Variants in NAALADL2 observed in about 807,000 individuals in gnomAD.
NAALADL2 encodes the protein inactive N-acetylated-alpha-linked acidic dipeptidase-like protein 2.
A neutral mutation model predicts 87.2 loss-of-function variants in NAALADL2; 76 were observed. The ratio of observed to expected loss-of-function variants is 0.87; its 90% confidence interval spans 0.72 to 1.05. The LOEUF (loss-of-function observed/expected upper bound fraction) is 1.05, where lower values mean the gene tolerates loss of function less well. NAALADL2 is among the 50% of genes least tolerant of loss of function. NAALADL2 has a pLI of 0.00. For missense variants in NAALADL2, 1,089 were observed against 945.8 expected, an observed-to-expected ratio of 1.15 and a Z score of -1.99; for synonymous variants, 354 against 331.0, an observed-to-expected ratio of 1.07 and a Z score of -0.75.
At chr3:175,615,579 C>T (rs914527887) in intron 10 of NAALADL2, among the ~76,000 whole-genome samples, 9 of 151,672 alleles carry the variant, frequency 5.9e-5, no homozygotes, top group East Asian at 1.9e-4. Flanking sequence ...TAGTATTGGC[C>T]GGGCATGATG....
chr3:175,167,829 A>G (rs889319956), intron 2 of NAALADL2, among the ~76,000 whole-genome samples: 31 of 152,092 alleles, frequency 2.0e-4, no homozygotes, highest in African/African-American at 7.0e-4. Context: ...GCCTCCTTCT[A>G]TACCCATGTC....
rs551889544 is a variant in NAALADL2 at position 175,207,460 on chromosome 3, G to A, written c.546-26471G>A. Reference sequence around the variant, plus strand: ...TTTTTGGAGTGACTTACTTTCTCCCGTACAACAATGACTTCCTACATCTAT... The same window carrying A: ...TTTTTGGAGTGACTTACTTTCTCCCATACAACAATGACTTCCTACATCTAT... On this transcript the variant is annotated intron_variant, in intron 2 of 13. Transcript: ENST00000454872. Among the ~76,000 whole-genome samples the A allele has an allele frequency of 2.5e-4, 38 of 151,736 alleles. 1 individual carries two copies. Among genetic ancestry groups the A allele is most frequent in the Middle Eastern group, 3.4e-3 (1 of 294 alleles).
chr3:175,606,872 A>G lies in NAALADL2; in HGVS notation c.1801-20419A>G, dbSNP rs184905804. Among the ~76,000 whole-genome samples, 20 of 152,322 alleles carry G rather than the reference A, an allele frequency of 1.3e-4. No individual in the cohort carries two copies. The East Asian group carries it at 3.3e-3, about 25-fold the overall frequency. ...GCAGGGAAGCTTACATTTCAGCAGC[A>G]TGTGTGGCTGTCTGTGGTAATTTTG... On this transcript the variant is annotated intron_variant, in intron 10 of 13. Coordinates refer to ENST00000454872, the MANE Select transcript of NAALADL2 (RefSeq NM_207015.3).
At chr3:175,062,611 G>A (rs962206633) in intron 1 of NAALADL2, among the ~76,000 whole-genome samples, 1 of 151,430 alleles carries the variant, frequency 6.6e-6, no homozygotes, top group Non-Finnish European at 1.5e-5. Flanking sequence ...AACTATAAAT[G>A]CTCTTACATT....
rs116674382 is a variant in NAALADL2 at position 175,239,853 on chromosome 3, C to T, written c.819+5649C>T. On this transcript the variant is annotated intron_variant, in intron 3 of 13. Coordinates refer to ENST00000454872, the MANE Select transcript of NAALADL2 (RefSeq NM_207015.3). ...AGGGGAATAGTAACAGTAACTTTAA[C>T]GTTTTTTGTGGGGAAGAAATGATAT... is the stretch of plus-strand genomic sequence containing the variant. Among the ~76,000 whole-genome samples, 158 of 152,198 alleles carry T rather than the reference C, an allele frequency of 1.0e-3. 1 individual carries two copies. Among genetic ancestry groups the T allele is most frequent in the African/African-American group, 3.6e-3 (151 of 41,552 alleles).
At chr3:174,653,782 C>T (rs960435330) in intron 2 of NAALADL2, among the ~76,000 whole-genome samples, 1 of 152,062 alleles carries the variant, frequency 6.6e-6, no homozygotes, top group Non-Finnish European at 1.5e-5. Context: ...GCCAAAAATT[C>T]ATAAACTTAT....
intron 3 of NAALADL2, among the ~76,000 whole-genome samples, chr3:174,741,669 C>G (rs1193796947): frequency 2.0e-5 from 3 of 151,492 alleles, no homozygotes; most frequent in Non-Finnish European, 4.4e-5. Context: ...GGGAAAAACT[C>G]CAACTCATTA....
chr3:174,453,698 A>G (rs528739882), intron 1 of NAALADL2, among the ~76,000 whole-genome samples: 1 of 152,352 alleles, frequency 6.6e-6, no homozygotes, highest in South Asian at 2.1e-4. Flanking sequence ...GATCCTTTTC[A>G]TAGAAGCAAA....
intron 3 of NAALADL2, among the ~76,000 whole-genome samples, chr3:174,847,192 T>A (rs1023824605): frequency 6.6e-6 from 1 of 152,188 alleles, no homozygotes; most frequent in African/African-American, 2.4e-5. Flanking sequence ...CCATATTTCT[T>A]ATATGTGTAT....
intron 4 of NAALADL2, among the ~76,000 whole-genome samples, chr3:175,323,379 T>C (rs1446173554): frequency 8.9e-4 from 129 of 144,552 alleles, no homozygotes; most frequent in South Asian, 1.6e-3. Flanking sequence ...GGGAGATATA[T>C]CTAATGCTAG....
chr3:174,897,064 C>T (rs1731632183), intron 1 of NAALADL2, among the ~76,000 whole-genome samples: 1 of 152,168 alleles, frequency 6.6e-6, no homozygotes, highest in South Asian at 2.1e-4. Context: ...ATGAAAACTA[C>T]TACAAGAAAA....
At chr3:175,098,586 T>G (rs1721566716) in intron 2 of NAALADL2, among the ~76,000 whole-genome samples, 1 of 152,166 alleles carries the variant, frequency 6.6e-6, no homozygotes, top group East Asian at 1.9e-4. Flanking sequence ...CTCCTGCCAC[T>G]AAGTGTCCTA....
chr3:175,780,916 C>T (rs983118906), intron 13 of NAALADL2, among the ~76,000 whole-genome samples: 10 of 152,102 alleles, frequency 6.6e-5, no homozygotes, highest in African/African-American at 2.4e-4. Flanking sequence ...GTGTTCCTTG[C>T]CTTTGGGCTC....
chr3:175,085,199 T>C (rs978000195), intron 1 of NAALADL2, among the ~76,000 whole-genome samples: 3 of 152,264 alleles, frequency 2.0e-5, no homozygotes, highest in South Asian at 2.1e-4. Flanking sequence ...GAAACTTGCA[T>C]GATTGAGGGC....
At chr3:175,361,863 T>C (rs1260740510) in intron 5 of NAALADL2, among the ~76,000 whole-genome samples, 1 of 148,190 alleles carries the variant, frequency 6.7e-6, no homozygotes, top group Non-Finnish European at 1.5e-5. Flanking sequence ...CAGAAACTCT[T>C]CAGTTTAATT....
intron 13 of NAALADL2, among the ~76,000 whole-genome samples, chr3:175,787,629 T>G (rs1056196662): frequency 6.6e-6 from 1 of 152,146 alleles, no homozygotes; most frequent in African/African-American, 2.4e-5. Context: ...CCTAGTGAGA[T>G]GAACCCGGTA....
intron 4 of NAALADL2, among the ~76,000 whole-genome samples, chr3:175,289,140 A>C (rs112272814): frequency 5.5e-4 from 6 of 10,896 alleles, no homozygotes; most frequent in African/African-American, 1.1e-3. Flanking sequence ...CAATAATTAG[A>C]AAAAAATTAA....
At chr3:175,228,436 T>A (rs1169561001) in intron 2 of NAALADL2, among the ~76,000 whole-genome samples, 2 of 151,760 alleles carry the variant, frequency 1.3e-5, no homozygotes, top group Non-Finnish European at 2.9e-5. Flanking sequence ...AACGCATATA[T>A]GCTGAATACA....
At chr3:175,615,978 T>A (rs940183637) in intron 10 of NAALADL2, among the ~76,000 whole-genome samples, 3 of 147,382 alleles carry the variant, frequency 2.0e-5, no homozygotes, top group African/African-American at 7.4e-5. Context: ...TTACTTATAA[T>A]ATATATTATA....
Sources: allele counts gnomAD v4.1 joint callset (sites outside exome capture counted in the v4.1 genomes callset), GRCh38; gene constraint gnomAD v4.1.1; transcripts MANE v1.5; gene names NCBI Gene and HGNC (gene_info 2026-07-23, HGNC 2026-07-21).